UGGT2: variants seen among roughly 807,000 people sequenced by gnomAD.
UGGT2 encodes the protein UDP-glucose:glycoprotein glucosyltransferase 2.
Under a neutral mutation model 192.1 loss-of-function variants are expected in UGGT2, and 180 were observed. The observed-to-expected ratio is 0.94, with a 90% confidence interval of 0.83 to 1.06. UGGT2 has a LOEUF of 1.06. Among genes scored for constraint, UGGT2 ranks in the 50% least tolerant of loss-of-function variants. The probability of loss-of-function intolerance (pLI) is 0.00; values close to 1 mark genes in which losing one functional copy is unlikely to be tolerated. For synonymous variants in UGGT2, 580 were observed against 591.0 expected (o/e 0.98, Z 0.27); for missense variants, 1,849 against 1,795.7 (o/e 1.03, Z -0.54).
intron 1 of UGGT2, among the ~76,000 whole-genome samples, chr13:96,048,566 AT>A (rs1306173133): frequency 6.6e-6 from 1 of 152,190 alleles, no homozygotes; most frequent in Admixed American, 6.5e-5. Flanking sequence ...TTTTGAAAAG[AT>A]CAACAAAATT....
At chr13:95,890,299 A>G (rs1469501076) in intron 25 of UGGT2, among the ~76,000 whole-genome samples, 1 of 152,166 alleles carries the variant, frequency 6.6e-6, no homozygotes, top group Non-Finnish European at 1.5e-5. Context: ...ATAACAAAAC[A>G]CCACAGATGG....
intron 17 of UGGT2, among the ~76,000 whole-genome samples, chr13:95,935,101 G>A (rs1188381985): frequency 6.6e-6 from 1 of 152,074 alleles, no homozygotes; most frequent in Non-Finnish European, 1.5e-5. Flanking sequence ...TTTACTTTGA[G>A]CCCGTCTCCT....
chr13:95,895,011 T>C (rs2047906778), intron 23 of UGGT2, among the ~76,000 whole-genome samples, 169 bp downstream of exon 23: 1 of 152,114 alleles, frequency 6.6e-6, no homozygotes, highest in Admixed American at 6.6e-5. Context: ...ATCTACAGTT[T>C]TGTGATGGTG....
At chr13:95,893,753 A>G (rs1566649767) in intron 24 of UGGT2, among the ~76,000 whole-genome samples, 1 of 151,932 alleles carries the variant, frequency 6.6e-6, no homozygotes, top group East Asian at 1.9e-4. Context: ...CTTCAGTAGT[A>G]TTTTTTTAAA....
intron 20 of UGGT2, among the ~76,000 whole-genome samples, chr13:95,914,612 TA>T (rs146990164): frequency 3.1e-4 from 25 of 80,980 alleles, no homozygotes; most frequent in African/African-American, 6.0e-4. Flanking sequence ...CCATCTCTAC[TA>T]AAAAAAAAAA....
intron 4 of UGGT2, among the ~76,000 whole-genome samples, chr13:96,022,721 T>C (rs2052551229): frequency 2.0e-5 from 3 of 151,980 alleles, no homozygotes; most frequent in Non-Finnish European, 4.4e-5. Flanking sequence ...TACTTTGTTA[T>C]TCCCCAGGTA....
chr13:95,807,208 T>C (rs1884348710), intron 38 of UGGT2, among the ~76,000 whole-genome samples: 1 of 152,186 alleles, frequency 6.6e-6, no homozygotes, highest in African/African-American at 2.4e-5. Context: ...AAATATACCT[T>C]ACTATTCATT....
chr13:95,853,595 C>A lies in UGGT2; in HGVS notation c.4232G>T (p.Ser1411Ile). Reference protein sequence around the residue: ...RRIGAGDRLRSQYQALSQDPN... With the variant: ...RRIGAGDRLRIQYQALSQDPN... ...ATCTTGACTGAGAGCTTGATACTGG[C>A]TCCTGAGCCTGTCACCTGCTCCAAT... The change falls in exon 36 of 39, where the codon AGC becomes ATC. Residue 1411 changes from serine to isoleucine, a missense_variant. By Grantham distance (142) the Ser-to-Ile change is moderately radical. Transcript: ENST00000376747. 1 of 1,606,676 alleles carries A rather than the reference C, an allele frequency of 6.2e-7. No individual in the cohort carries two copies.
chr13:95,999,647 ACT>A (rs1462412281), intron 5 of UGGT2, among the ~76,000 whole-genome samples: 8 of 152,182 alleles, frequency 5.3e-5, no homozygotes, highest in Non-Finnish European at 1.2e-4. Flanking sequence ...TTTCAACAAA[ACT>A]GTTTTCCTTT....
At chr13:95,922,497 C>T (rs1424660058) in intron 20 of UGGT2, among the ~76,000 whole-genome samples, 2 of 152,132 alleles carry the variant, frequency 1.3e-5, no homozygotes, top group African/African-American at 2.4e-5. Flanking sequence ...AAAATTTTCC[C>T]TATAACTACT....
chr13:96,047,729 G>A (rs1384431927), intron 1 of UGGT2, among the ~76,000 whole-genome samples: 1 of 152,100 alleles, frequency 6.6e-6, no homozygotes, highest in Non-Finnish European at 1.5e-5. Flanking sequence ...AAGATCAGAA[G>A]AGACAAAGAA....
At chr13:95,834,962 A>G (rs1887133612) in intron 37 of UGGT2, among the ~76,000 whole-genome samples, 1 of 152,206 alleles carries the variant, frequency 6.6e-6, no homozygotes, top group Non-Finnish European at 1.5e-5. Context: ...TCTAGTAGCC[A>G]TGTATAAAAA....
intron 12 of UGGT2, among the ~76,000 whole-genome samples, chr13:95,966,863 C>T (rs1037940494): frequency 6.6e-6 from 1 of 152,140 alleles, no homozygotes; most frequent in African/African-American, 2.4e-5. Flanking sequence ...TGATCTTCTG[C>T]CCATATTTTT....
intron 2 of UGGT2, 148 bp from the exon 3 acceptor site, chr13:96,023,907 A>G (rs2052589686): frequency 1.7e-6 from 1 of 579,584 alleles, no homozygotes; most frequent in East Asian, 3.8e-5. Context: ...AAAAATCAAG[A>G]TCTCAGTTCT....
intron 12 of UGGT2, among the ~76,000 whole-genome samples, chr13:95,952,519 AGTT>A (rs1238827666): frequency 2.0e-5 from 3 of 152,166 alleles, no homozygotes; most frequent in African/African-American, 7.2e-5. Context: ...CTATGTAAAT[AGTT>A]GTTATATTGT....
chr13:95,880,727 C>A (rs909085612), intron 27 of UGGT2, among the ~76,000 whole-genome samples: 1 of 152,156 alleles, frequency 6.6e-6, no homozygotes, highest in East Asian at 1.9e-4. Context: ...GTTCAAGGAA[C>A]CCTTATGTCA....
chr13:95,988,783 T>C (rs1035430606), intron 8 of UGGT2, among the ~76,000 whole-genome samples: 1 of 152,162 alleles, frequency 6.6e-6, no homozygotes, highest in Admixed American at 6.6e-5. Flanking sequence ...CTGTTAAGTG[T>C]ATATAAAGTT....
intron 16 of UGGT2, among the ~76,000 whole-genome samples, 169 bp downstream of exon 16, chr13:95,939,788 C>T (rs1472707362): frequency 6.6e-6 from 1 of 152,064 alleles, no homozygotes; most frequent in African/African-American, 2.4e-5. Context: ...AATTTTGTAT[C>T]CTTTGACCAA....
intron 1 of UGGT2, among the ~76,000 whole-genome samples, chr13:96,033,010 A>G (rs1269437652): frequency 6.6e-6 from 1 of 152,218 alleles, no homozygotes; most frequent in Non-Finnish European, 1.5e-5. Flanking sequence ...ACTTCTTCCA[A>G]CTACCAGAAT....
Sources: gnomAD v4.1 joint callset for allele counts (sites outside exome capture counted in the v4.1 genomes callset) on GRCh38, gnomAD v4.1.1 for gene constraint, MANE v1.5 for transcripts, NCBI Gene and HGNC (gene_info 2026-07-23, HGNC 2026-07-21) for gene names.